SLC22A25: variants seen among roughly 807,000 people sequenced by gnomAD.
SLC22A25 encodes MGI:2442751, MGI:2385316, MGI:3042283, MGI:3645714, MGI:3605624, MGI:2442750.
A neutral mutation model predicts 45.9 loss-of-function variants in SLC22A25; 44 were observed. The ratio of observed to expected loss-of-function variants is 0.96; its 90% CI spans 0.75 to 1.23. SLC22A25 has a LOEUF of 1.23. Among genes scored for constraint, SLC22A25 ranks in the 50% most tolerant of loss-of-function variants. The probability of loss-of-function intolerance (pLI) is 0.00; values close to 1 mark genes in which losing one functional copy is unlikely to be tolerated. For synonymous variants in SLC22A25, 283 were observed against 238.6 expected, an observed-to-expected ratio of 1.19 and a Z score of -1.72; for missense variants, 800 against 666.4, an observed-to-expected ratio of 1.20 and a Z score of -2.21.
At chr11:63,235,953 C>G (rs749429087) in intron 3 of SLC22A25, among the ~76,000 whole-genome samples, 2 of 152,186 alleles carry the variant, frequency 1.3e-5, no homozygotes, top group Admixed American at 1.3e-4. Context: ...GGCTGCAGAA[C>G]AGCAGATATT....
intron 7 of SLC22A25, among the ~76,000 whole-genome samples, chr11:63,201,401 T>G (rs1192966153): frequency 6.6e-6 from 1 of 152,056 alleles, no homozygotes; most frequent in Non-Finnish European, 1.5e-5. Flanking sequence ...AAACAAGCAA[T>G]GGGGGAAATA....
rs112447399 is a variant in SLC22A25, at chr11:63,202,365, C to A, written c.830+14949G>T. 1.5e-3 allele frequency among the ~76,000 whole-genome samples: 231 copies of A among 152,178 alleles called. 1 individual carries two copies. Among genetic ancestry groups the A allele is most frequent in the African/African-American group, 4.7e-3 (196 of 41,518 alleles). ...AGTTAAGTGGTCTAGCTCAGTAGAT[C>A]CCACCCCCATGGAGCCAAGCAAGCT... On this transcript the variant is annotated intron_variant, in intron 7 of 11. Coordinates refer to ENST00000306494, the MANE Select transcript of SLC22A25 (RefSeq NM_199352.6).
intron 5 of SLC22A25, among the ~76,000 whole-genome samples, chr11:63,226,091 G>A (rs190945958): frequency 7.5e-4 from 114 of 151,812 alleles, no homozygotes; most frequent in African/African-American, 6.3e-4. Flanking sequence ...CCATTATTTC[G>A]AATTTTCTAT....
chr11:63,199,346 G>T (rs1590850045), intron 7 of SLC22A25, among the ~76,000 whole-genome samples: 1 of 152,012 alleles, frequency 6.6e-6, no homozygotes, highest in African/African-American at 2.4e-5. Flanking sequence ...TCCCAAGACT[G>T]AACCAGGAAG....
At chr11:63,173,138 G>C (rs112852129) in intron 9 of SLC22A25, among the ~76,000 whole-genome samples, 2,635 of 151,224 alleles carry the variant, frequency 0.017, 65 homozygotes, top group African/African-American at 0.048. Flanking sequence ...AAACAACACA[G>C]GTTTTCACTC....
intron 3 of SLC22A25, among the ~76,000 whole-genome samples, chr11:63,233,957 T>A (rs2090117829): frequency 6.6e-6 from 1 of 152,360 alleles, no homozygotes; most frequent in East Asian, 1.9e-4. Context: ...TGAGTGAGTT[T>A]CTTAATCCTG....
chr11:63,176,753 T>G (rs1327314863), intron 9 of SLC22A25, among the ~76,000 whole-genome samples: 1 of 152,004 alleles, frequency 6.6e-6, no homozygotes, highest in Non-Finnish European at 1.5e-5. Flanking sequence ...TAAATAGAAG[T>G]GGTGACTCAT....
At chr11:63,183,856 C>G in intron 7 of SLC22A25, 39 bp from the exon 8 acceptor site, 1 of 1,610,826 alleles carries the variant, frequency 6.2e-7, no homozygotes, top group Non-Finnish European at 8.5e-7. Context: ...CCAACCACTA[C>G]TTACTCATTT....
At chr11:63,173,653 A>T (rs1346093837) in intron 9 of SLC22A25, among the ~76,000 whole-genome samples, 2 of 152,126 alleles carry the variant, frequency 1.3e-5, no homozygotes, top group Non-Finnish European at 2.9e-5. Flanking sequence ...GTAAGTGTAC[A>T]ATTCAGGCAT....
At chr11:63,233,923 A>T (rs2090117251) in intron 3 of SLC22A25, among the ~76,000 whole-genome samples, 1 of 152,186 alleles carries the variant, frequency 6.6e-6, no homozygotes, top group Non-Finnish European at 1.5e-5. Flanking sequence ...CAGGTTTTTC[A>T]GTTTCCATGT....
At chr11:63,209,578 G>A (rs896490027) in intron 7 of SLC22A25, among the ~76,000 whole-genome samples, 6 of 152,138 alleles carry the variant, frequency 3.9e-5, no homozygotes, top group Non-Finnish European at 8.8e-5. Flanking sequence ...CTCTGCTCAG[G>A]CGAACCACAG....
chr11:63,222,673 G>A lies in SLC22A25; in HGVS notation c.507-4938C>T, dbSNP rs60949080. ...CTGTACTATTTTAAATGGCAAGGGT[G>A]AATGTGGGCATCCTTGTTGTGTTTC... On this transcript the variant is annotated intron_variant, in intron 5 of 11. Coordinates refer to ENST00000306494, the MANE Select transcript of SLC22A25 (RefSeq NM_199352.6). Among the ~76,000 whole-genome samples the A allele has an allele frequency of 2.0e-3, 305 of 152,168 alleles. 1 individual carries two copies. The highest frequency in any genetic ancestry group is 6.6e-3 in the African/African-American group (275 of 41,546).
intron 5 of SLC22A25, among the ~76,000 whole-genome samples, chr11:63,222,039 G>C (rs980989505): frequency 6.6e-6 from 1 of 152,100 alleles, no homozygotes; most frequent in African/African-American, 2.4e-5. Flanking sequence ...TAGCTCTGTA[G>C]TATAATTGGA....
intron 7 of SLC22A25, among the ~76,000 whole-genome samples, chr11:63,186,043 C>A (rs2088528273): frequency 6.6e-6 from 1 of 151,716 alleles, no homozygotes; most frequent in Non-Finnish European, 1.5e-5. Context: ...ATTTATAATC[C>A]TTTGGGTATA....
At chr11:63,189,645 G>T (rs577763731) in intron 7 of SLC22A25, among the ~76,000 whole-genome samples, 3 of 152,256 alleles carry the variant, frequency 2.0e-5, no homozygotes, top group Non-Finnish European at 2.9e-5. Flanking sequence ...AGCATCGATG[G>T]TCTTTACAAT....
At chr11:63,185,061 T>C (rs1425187836) in intron 7 of SLC22A25, among the ~76,000 whole-genome samples, 1 of 152,064 alleles carries the variant, frequency 6.6e-6, no homozygotes, top group African/African-American at 2.4e-5. Flanking sequence ...TATCATAGAG[T>C]AGAACGTAAC....
At chr11:63,180,826 G>C (rs371200100) in intron 8 of SLC22A25, 51 bp from the exon 9 acceptor site, 2 of 1,369,728 alleles carry the variant, frequency 1.5e-6, no homozygotes, top group African/African-American at 2.9e-5. Context: ...AAAATGGTAG[G>C]CATTGTAAGA....
At chr11:63,207,207 G>A (rs745459969) in intron 7 of SLC22A25, among the ~76,000 whole-genome samples, 3 of 152,082 alleles carry the variant, frequency 2.0e-5, no homozygotes, top group Non-Finnish European at 2.9e-5. Context: ...ACATAGGCAT[G>A]GACAAAGATT....
Position 63,162,314 on chromosome 11 carries a change from T to C in SLC22A25, c.*1510A>G, listed in dbSNP as rs1186677964. ...CATTTGCTTTGTTTTCCTGTACTTG[T>C]GGGGTATTACTCAAGAAATCTTTGG... On this transcript the variant is annotated 3_prime_UTR_variant, in exon 12 of 12. Transcript: ENST00000306494. Among the ~76,000 whole-genome samples, 1 of 152,174 alleles carries C rather than the reference T, an allele frequency of 6.6e-6. No individual in the cohort carries two copies. The highest frequency in any genetic ancestry group is 1.5e-5 in the Non-Finnish European group (1 of 68,014).
Sources: gnomAD v4.1 joint callset for allele counts (sites outside exome capture counted in the v4.1 genomes callset) on GRCh38, gnomAD v4.1.1 for gene constraint, MANE v1.5 for transcripts, NCBI Gene and HGNC (gene_info 2026-07-23, HGNC 2026-07-21) for gene names.